The following GFRA1 variants were observed in gnomAD, a reference collection of about 807,000 sequenced individuals.
GFRA1 encodes GDNF family receptor alpha-1.
A neutral mutation model predicts 51.6 loss-of-function variants in GFRA1; 16 were observed. That is an observed-to-expected ratio of 0.31 (90% CI 0.21 to 0.47). The LOEUF is 0.47. Among genes scored for constraint, GFRA1 ranks in the 20% least tolerant of loss-of-function variants. The pLI, the probability that GFRA1 is intolerant of heterozygous loss-of-function variation, is 1.00. For synonymous variants in GFRA1, 270 were observed against 241.3 expected, an observed-to-expected ratio of 1.12 and a Z score of -1.10; for missense variants, 530 against 594.3, an observed-to-expected ratio of 0.89 and a Z score of 1.13.
chr10:116,073,723 C>T (rs983602323), intron 9 of GFRA1, among the ~76,000 whole-genome samples: 3 of 152,112 alleles, frequency 2.0e-5, no homozygotes, highest in East Asian at 1.9e-4. Context: ...TGCATGAAGC[C>T]TATCTCATCA....
chr10:116,223,152 A>C (rs1966042244), intron 4 of GFRA1, among the ~76,000 whole-genome samples: 1 of 152,162 alleles, frequency 6.6e-6, no homozygotes, highest in African/African-American at 2.4e-5. Flanking sequence ...GCAAAATATC[A>C]CAGCCCACTC....
intron 6 of GFRA1, among the ~76,000 whole-genome samples, chr10:116,113,466 C>T (rs1957292260): frequency 6.6e-6 from 1 of 152,146 alleles, no homozygotes; most frequent in African/African-American, 2.4e-5. Flanking sequence ...TGCCAAAGAG[C>T]ACTTAAGCCC....
At chr10:116,236,647 T>C (rs557267783) in intron 4 of GFRA1, among the ~76,000 whole-genome samples, 1 of 152,274 alleles carries the variant, frequency 6.6e-6, no homozygotes, top group Admixed American at 6.5e-5. Context: ...GGGGTAACTG[T>C]TAGGATTAAA....
intron 5 of GFRA1, among the ~76,000 whole-genome samples, chr10:116,184,624 C>T (rs1200216921): frequency 6.6e-6 from 1 of 152,088 alleles, no homozygotes; most frequent in Non-Finnish European, 1.5e-5. Flanking sequence ...GGTGGCACTA[C>T]AGGTGGGCCT....
chr10:116,233,991 C>A (rs1312735250), intron 4 of GFRA1, among the ~76,000 whole-genome samples: 2 of 152,146 alleles, frequency 1.3e-5, no homozygotes, highest in Non-Finnish European at 2.9e-5. Context: ...GATATGGTTC[C>A]TTTTTTCTCT....
chr10:116,227,642 T>C (rs1003605771), intron 4 of GFRA1, among the ~76,000 whole-genome samples: 1 of 152,208 alleles, frequency 6.6e-6, no homozygotes, highest in African/African-American at 2.4e-5. Context: ...TAAACTGAAG[T>C]AGAAGGCAGT....
chr10:116,085,666 G>A (rs763060456), intron 9 of GFRA1, among the ~76,000 whole-genome samples: 59 of 152,114 alleles, frequency 3.9e-4, no homozygotes, highest in Non-Finnish European at 7.9e-4. Flanking sequence ...TGGGATGAAG[G>A]CCCTTCACTC....
intron 4 of GFRA1, among the ~76,000 whole-genome samples, chr10:116,212,891 C>G (rs1234191965): frequency 6.6e-6 from 1 of 152,176 alleles, no homozygotes; most frequent in Non-Finnish European, 1.5e-5. Flanking sequence ...ATGCCAAGTA[C>G]TTTTTGACAT....
chr10:116,097,433 G>A (rs777723560), intron 6 of GFRA1, among the ~76,000 whole-genome samples: 58 of 152,198 alleles, frequency 3.8e-4, no homozygotes, highest in Non-Finnish European at 7.6e-4. Flanking sequence ...GCTGCAAGAT[G>A]AGACAGCTGC....
At chr10:116,266,617 T>C (rs1209849384) in intron 4 of GFRA1, among the ~76,000 whole-genome samples, 2 of 152,302 alleles carry the variant, frequency 1.3e-5, no homozygotes, top group Admixed American at 6.5e-5. Flanking sequence ...CTCTGGCTAA[T>C]TCATTATGAT....
chr10:116,227,373 G>T (rs909340303), intron 4 of GFRA1, among the ~76,000 whole-genome samples: 1 of 152,212 alleles, frequency 6.6e-6, no homozygotes, highest in Non-Finnish European at 1.5e-5. Context: ...TAAGAAAGAA[G>T]TGGAGATGAA....
rs1954603019 is a variant in GFRA1, at chr10:116,057,629, ACT to A, written c.*6767_*6768del. On this transcript the variant is annotated 3_prime_UTR_variant, in exon 11 of 11. Coordinates refer to ENST00000355422, the MANE Select transcript of GFRA1 (RefSeq NM_005264.8). Reference sequence around the variant, plus strand: ...GCAAGATGGGAAAACTTTAAAGCAAACTCTGCAGTGAAAAGTGTTTCCCCCAC... The same window carrying A: ...GCAAGATGGGAAAACTTTAAAGCAAACTGCAGTGAAAAGTGTTTCCCCCAC... 6.6e-6 allele frequency: 1 copy of A among 152,076 alleles called. No individual in the cohort carries two copies. The highest frequency in any genetic ancestry group is 6.6e-5 in the Admixed American group (1 of 15,258). 9.4% of individuals were successfully genotyped at this position (152,076 alleles called of 1,614,324 possible).
intron 4 of GFRA1, among the ~76,000 whole-genome samples, chr10:116,238,531 G>T (rs1029334829): frequency 6.6e-5 from 10 of 152,182 alleles, no homozygotes; most frequent in African/African-American, 1.9e-4. Flanking sequence ...AATTTCTAGA[G>T]AACAAGGGAC....
chr10:116,181,783 G>A (rs750887662), intron 5 of GFRA1, among the ~76,000 whole-genome samples: 7 of 152,028 alleles, frequency 4.6e-5, no homozygotes, highest in African/African-American at 1.7e-4. Context: ...GACTACAGGC[G>A]CCCGCGCCCG....
chr10:116,176,652 C>G (rs981924849), intron 5 of GFRA1, among the ~76,000 whole-genome samples: 35 of 152,092 alleles, frequency 2.3e-4, no homozygotes, highest in African/African-American at 6.5e-4. Context: ...TATAAATTAC[C>G]CAGCCTCACA....
chr10:116,125,097 T>C lies in GFRA1; in HGVS notation c.770+124A>G, dbSNP rs538811052. 1.8e-5 allele frequency: 15 copies of C among 839,938 alleles called. No homozygotes were observed. The East Asian group carries it at 3.6e-4, about 20-fold the overall frequency. 52.0% of individuals were successfully genotyped at this position (839,938 alleles called of 1,614,324 possible). A position where few individuals can be genotyped will look rare whatever the true frequency, so the allele number is the denominator to read the frequency against. ...TCAGATTTTTGCCAATCCATTCAAA[T>C]GGACTGGGCTCCCCTCCCTCCTCTA... On this transcript the variant is annotated intron_variant, in intron 6 of 10. Coordinates refer to ENST00000355422, the MANE Select transcript of GFRA1 (RefSeq NM_005264.8).
intron 9 of GFRA1, among the ~76,000 whole-genome samples, chr10:116,083,902 C>CT (rs1776082920): frequency 6.6e-6 from 1 of 152,186 alleles, no homozygotes; most frequent in African/African-American, 2.4e-5. Context: ...TCCATCCCTC[C>CT]TGCCACTCTG....
At chr10:116,069,317 T>A (rs1008401754) in intron 9 of GFRA1, among the ~76,000 whole-genome samples, 22 of 152,318 alleles carry the variant, frequency 1.4e-4, no homozygotes, top group African/African-American at 5.1e-4. Flanking sequence ...TTTATAGCTA[T>A]AAGGTTTAGG....
At chr10:116,141,416 C>T (rs1217309268) in intron 5 of GFRA1, among the ~76,000 whole-genome samples, 1 of 152,158 alleles carries the variant, frequency 6.6e-6, no homozygotes, top group Non-Finnish European at 1.5e-5. Flanking sequence ...GTCTTAGTTG[C>T]GAGCTTTGTT....
Sources: gnomAD v4.1 joint callset for allele counts (sites outside exome capture counted in the v4.1 genomes callset) on GRCh38, gnomAD v4.1.1 for gene constraint, MANE v1.5 for transcripts, NCBI Gene and HGNC (gene_info 2026-07-23, HGNC 2026-07-21) for gene names.